The following MLLT10 variants were observed in gnomAD, a reference collection of about 807,000 sequenced individuals.
MLLT10 encodes protein AF-10.
Under a neutral mutation model 129.1 loss-of-function variants are expected in MLLT10, and 30 were observed. The ratio of observed to expected loss-of-function variants is 0.23; its 90% confidence interval spans 0.17 to 0.32. The LOEUF is 0.32. Among genes scored for constraint, MLLT10 ranks in the 10% least tolerant of loss-of-function variants. MLLT10 has a pLI of 1.00. For synonymous variants in MLLT10, 490 were observed against 446.4 expected (o/e 1.10, Z -1.23); for missense variants, 1,119 against 1,268.3 (o/e 0.88, Z 1.79).
At chr10:21,702,883 G>A (rs1275613956) in intron 13 of MLLT10, among the ~76,000 whole-genome samples, 7 of 152,110 alleles carry the variant, frequency 4.6e-5, no homozygotes, top group Admixed American at 3.9e-4. Flanking sequence ...CATTCACCTA[G>A]TTGATATCTT....
intron 8 of MLLT10, among the ~76,000 whole-genome samples, chr10:21,632,621 A>G (rs953826264): frequency 6.6e-6 from 1 of 152,214 alleles, no homozygotes; most frequent in African/African-American, 2.4e-5. Flanking sequence ...GTCACAATCA[A>G]TATTGAACAG....
chr10:21,560,799 TGTC>T (rs1163956783), intron 3 of MLLT10, among the ~76,000 whole-genome samples: 1 of 152,240 alleles, frequency 6.6e-6, no homozygotes, highest in Non-Finnish European at 1.5e-5. Flanking sequence ...AGTGGTATCT[TGTC>T]GTTTTGATTT....
intron 8 of MLLT10, among the ~76,000 whole-genome samples, chr10:21,618,407 G>GTT (rs2045479241): frequency 6.6e-6 from 1 of 151,858 alleles, no homozygotes; most frequent in African/African-American, 2.4e-5. Flanking sequence ...GGAGGTTAAG[G>GTT]CAGGAGAATC....
At chr10:21,648,308 T>C (rs2048702611) in intron 8 of MLLT10, among the ~76,000 whole-genome samples, 1 of 152,230 alleles carries the variant, frequency 6.6e-6, no homozygotes, top group Admixed American at 6.5e-5. Flanking sequence ...GATACATTTC[T>C]TGATGTATCA....
rs770595225 is a variant in MLLT10, at chr10:21,673,709, A to C, written c.1411A>C (p.Asn471His). 3.7e-6 allele frequency: 6 copies of C among 1,614,166 alleles called. No individual in the cohort carries two copies. In the South Asian group the frequency reaches 6.6e-5, roughly 18 times the overall value. ...TGTAAAGGAAAAGAAAAGGAAAGGA[A>C]ATAAACAAAGTAAGCATGGGCCTGG... The part of the protein sequence containing the change: ...ETVKEKKRKG[N>H]KQSKHGPGRP... The change falls in exon 11 of 23, where the codon AAT (asparagine) becomes CAT (histidine). Residue 471 changes from asparagine to histidine, a missense_variant. Physicochemically the swap from Asn to His is moderately conservative, Grantham distance 68. This residue lies in a region of MLLT10 where 1,004 missense variants were observed against 1,008.7 expected (regional missense o/e 1.00). Coordinates refer to ENST00000307729, the MANE Select transcript of MLLT10 (RefSeq NM_001195626.3).
chr10:21,686,814 T>C (rs778860705), intron 13 of MLLT10, among the ~76,000 whole-genome samples: 4 of 152,084 alleles, frequency 2.6e-5, no homozygotes, highest in Non-Finnish European at 5.9e-5. Context: ...AAACCCCTTG[T>C]CTACTAAAAA....
intron 5 of MLLT10, among the ~76,000 whole-genome samples, chr10:21,603,086 A>C (rs974668573): frequency 3.4e-5 from 5 of 147,216 alleles, no homozygotes; most frequent in Admixed American, 6.8e-5. Flanking sequence ...ATGGAATCTC[A>C]CTGTTTCCCA....
chr10:21,705,836 C>T (rs1189536210), intron 13 of MLLT10, among the ~76,000 whole-genome samples: 1 of 152,168 alleles, frequency 6.6e-6, no homozygotes, highest in Admixed American at 6.5e-5. Context: ...CATAAGCATC[C>T]TCCCTGTGGC....
intron 3 of MLLT10, among the ~76,000 whole-genome samples, chr10:21,539,138 A>G (rs2034619196): frequency 1.3e-5 from 2 of 152,256 alleles, no homozygotes; most frequent in Non-Finnish European, 2.9e-5. Context: ...ACAAAAATAC[A>G]TAGTCATATT....
chr10:21,599,810 T>C (rs1289609838), intron 5 of MLLT10, among the ~76,000 whole-genome samples: 1 of 152,166 alleles, frequency 6.6e-6, no homozygotes, highest in Non-Finnish European at 1.5e-5. Context: ...TCAAGTGATC[T>C]GCCTGCTCTG....
chr10:21,551,974 T>C (rs2037125649), intron 3 of MLLT10: 1 of 253,530 alleles, frequency 3.9e-6, no homozygotes, highest in Middle Eastern at 1.6e-3. Flanking sequence ...TTTGTATTTT[T>C]AGAGACGGAG....
At chr10:21,653,476 T>C (rs890756410) in intron 9 of MLLT10, among the ~76,000 whole-genome samples, 13 of 152,220 alleles carry the variant, frequency 8.5e-5, no homozygotes, top group African/African-American at 3.1e-4. Flanking sequence ...GTTGAATTCC[T>C]CTTACACTTG....
chr10:21,696,447 T>C (rs2131454883), intron 13 of MLLT10, among the ~76,000 whole-genome samples: 1 of 152,262 alleles, frequency 6.6e-6, no homozygotes, highest in South Asian at 2.1e-4. Context: ...TATTGATTGA[T>C]TTTTCAAACC....
chr10:21,733,709 C>T (rs1029427069), intron 19 of MLLT10, 59 bp from the exon 20 acceptor site: 1 of 1,536,962 alleles, frequency 6.5e-7, no homozygotes, highest in Admixed American at 2.2e-5. Context: ...AGTTTCTCTT[C>T]TTTCTTACGC....
intron 3 of MLLT10, among the ~76,000 whole-genome samples, chr10:21,552,688 G>A (rs1347511284): frequency 6.6e-6 from 1 of 151,978 alleles, no homozygotes; most frequent in African/African-American, 2.4e-5. Flanking sequence ...CACCATGCCC[G>A]GCCTCTCTCA....
chr10:21,670,371 T>C (rs193062082), intron 9 of MLLT10, 78 bp from the exon 10 acceptor site: 97 of 1,353,422 alleles, frequency 7.2e-5, no homozygotes, highest in East Asian at 2.4e-5. Context: ...GTTCTTCTTA[T>C]TAATGTGGCA....
intron 3 of MLLT10, among the ~76,000 whole-genome samples, chr10:21,566,826 T>C (rs1385079444): frequency 6.6e-6 from 1 of 152,134 alleles, no homozygotes; most frequent in African/African-American, 2.4e-5. Context: ...TTTTCTTCTT[T>C]TTTTGATACG....
chr10:21,580,685 C>T (rs1363931888), intron 3 of MLLT10, among the ~76,000 whole-genome samples: 12 of 151,538 alleles, frequency 7.9e-5, no homozygotes, highest in South Asian at 2.1e-4. Flanking sequence ...CCTCCACACC[C>T]GTCCTATTTT....
rs183832281 is a variant in MLLT10 at position 21,651,479 on chromosome 10, A to G, written c.700-194A>G. Among the ~76,000 whole-genome samples, 583 of 152,350 alleles carry G rather than the reference A, an allele frequency of 3.8e-3. 5 individuals carry two copies. Among genetic ancestry groups the G allele is most frequent in the African/African-American group, 0.013 (548 of 41,590 alleles). ...GTATTATTTTAGGCTTATCAAGAAT[A>G]AAAAAGCTGAACTTACCTAAAAAGA... On this transcript the variant is annotated intron_variant, in intron 8 of 22. Transcript: ENST00000307729.
Sources: allele counts gnomAD v4.1 joint callset (sites outside exome capture counted in the v4.1 genomes callset), GRCh38; gene constraint gnomAD v4.1.1; regional missense constraint gnomAD v4.1.1; transcripts MANE v1.5; gene names NCBI Gene and HGNC (gene_info 2026-07-23, HGNC 2026-07-21).